The following NRXN3 variants were observed in gnomAD, a reference collection of about 807,000 sequenced individuals.
NRXN3 encodes neurexin III.
A neutral mutation model predicts 137.6 loss-of-function variants in NRXN3; 32 were observed. The observed-to-expected ratio is 0.23, with a 90% CI of 0.18 to 0.31. The LOEUF is 0.31. Among genes scored for constraint, NRXN3 ranks in the 10% least tolerant of loss-of-function variants. The probability of loss-of-function intolerance (pLI) is 1.00; values close to 1 mark genes in which losing one functional copy is unlikely to be tolerated. For missense variants in NRXN3, 1,574 were observed against 2,062.5 expected (o/e 0.76, Z 4.59); for synonymous variants, 798 against 784.5 (o/e 1.02, Z -0.29).
intron 6 of NRXN3, among the ~76,000 whole-genome samples, chr14:78,694,461 A>G (rs950178874): frequency 2.0e-5 from 3 of 151,992 alleles, no homozygotes; most frequent in South Asian, 2.1e-4. Flanking sequence ...ATACATGTCT[A>G]TCTTCCCCAG....
chr14:79,103,660 A>G (rs1330726713), intron 15 of NRXN3, among the ~76,000 whole-genome samples: 1 of 152,144 alleles, frequency 6.6e-6, no homozygotes, highest in African/African-American at 2.4e-5. Flanking sequence ...AGTTCCTGCA[A>G]TGATTACATG....
At chr14:79,752,240 C>T (rs2099000537) in intron 19 of NRXN3, among the ~76,000 whole-genome samples, 1 of 150,930 alleles carries the variant, frequency 6.6e-6, no homozygotes, top group Non-Finnish European at 1.5e-5. Context: ...ATTATTGCCA[C>T]AATTTCAGAT....
rs528353844 is a variant in NRXN3, at chr14:79,019,955, A to G, written c.3262+31814A>G. 3.9e-5 allele frequency among the ~76,000 whole-genome samples: 6 copies of G among 152,192 alleles called. No individual in the cohort carries two copies. The East Asian group carries it at 1.2e-3, about 29-fold the overall frequency. ...TATGTGTCTGGTAGAGAAAAAAAGA[A>G]AAGTTAAAAATTTAGGAGAGAGATA... On this transcript the variant is annotated intron_variant, in intron 15 of 20. Coordinates refer to ENST00000335750, the MANE Select transcript of NRXN3 (RefSeq NM_001330195.2).
chr14:79,413,330 A>G (rs714276), intron 15 of NRXN3, among the ~76,000 whole-genome samples: 47,908 of 151,928 alleles, frequency 0.32, 8,213 homozygotes, highest in Middle Eastern at 0.53. Context: ...AGTAAATTAC[A>G]TGGTTTTAGA....
chr14:79,574,343 C>T, intron 16 of NRXN3, among the ~76,000 whole-genome samples: 1 of 152,178 alleles, frequency 6.6e-6, no homozygotes, highest in East Asian at 1.9e-4. Flanking sequence ...TAGAGTTTCA[C>T]AACTGCCTAT....
chr14:79,372,339 G>A (rs2094136896), intron 15 of NRXN3, among the ~76,000 whole-genome samples: 1 of 152,102 alleles, frequency 6.6e-6, no homozygotes, highest in Admixed American at 6.6e-5. Flanking sequence ...CCCTGTGGTA[G>A]CTTATCCCTC....
intron 4 of NRXN3, among the ~76,000 whole-genome samples, chr14:78,376,025 C>T (rs1363055114): frequency 6.6e-6 from 1 of 151,724 alleles, no homozygotes. Flanking sequence ...CACACATACA[C>T]ACACACACAC....
At chr14:79,510,757 C>G (rs9323673) in intron 16 of NRXN3, among the ~76,000 whole-genome samples, 64,226 of 152,016 alleles carry the variant, frequency 0.42, 13,855 homozygotes, top group African/African-American at 0.52. Flanking sequence ...CTTCAAACAG[C>G]TTTCTGCCAA....
intron 16 of NRXN3, among the ~76,000 whole-genome samples, chr14:79,485,572 C>A (rs908764211): frequency 1.3e-5 from 2 of 152,094 alleles, no homozygotes; most frequent in African/African-American, 4.8e-5. Context: ...ATCTTCCAGC[C>A]TTTGTAGCAC....
At chr14:79,180,198 A>C (rs1292366840) in intron 15 of NRXN3, among the ~76,000 whole-genome samples, 1 of 152,198 alleles carries the variant, frequency 6.6e-6, no homozygotes, top group Non-Finnish European at 1.5e-5. Context: ...ACACACTGAC[A>C]ATTACATGTA....
rs184192953 is a variant in NRXN3 at position 78,916,438 on chromosome 14, G to A, written c.2276-40804G>A. ...TAGGTCACAGAAGCTTGTCCGAGGT[G>A]AGGACTTTGGGCTGAGTCCTGAATA... On this transcript the variant is annotated intron_variant, in intron 10 of 20. Transcript: ENST00000335750. Among the ~76,000 whole-genome samples, 363 of 152,302 alleles carry A rather than the reference G, an allele frequency of 2.4e-3. 1 individual carries two copies. The highest frequency in any genetic ancestry group is 4.1e-3 in the Admixed American group (62 of 15,296).
intron 15 of NRXN3, chr14:79,279,292 A>G: frequency 1.1e-6 from 1 of 949,088 alleles, no homozygotes; most frequent in Non-Finnish European, 1.3e-6. Context: ...GTCCCTCGGC[A>G]GAGCGCTGGG....
At chr14:78,884,488 C>T (rs2099137634) in intron 10 of NRXN3, among the ~76,000 whole-genome samples, 1 of 152,090 alleles carries the variant, frequency 6.6e-6, no homozygotes, top group African/African-American at 2.4e-5. Context: ...AACTGTTCAC[C>T]TTTCTGATCC....
chr14:78,819,343 A>G (rs1467223113), intron 10 of NRXN3, among the ~76,000 whole-genome samples: 1 of 152,178 alleles, frequency 6.6e-6, no homozygotes, highest in Non-Finnish European at 1.5e-5. Flanking sequence ...AAATAATTTT[A>G]AAAAACAATA....
At chr14:79,354,965 T>A (rs1266426749) in intron 15 of NRXN3, among the ~76,000 whole-genome samples, 1 of 152,178 alleles carries the variant, frequency 6.6e-6, no homozygotes, top group African/African-American at 2.4e-5. Context: ...TAGATAATTG[T>A]TGTTGGTTTA....
chr14:79,624,659 C>A (rs961310368), intron 16 of NRXN3, among the ~76,000 whole-genome samples: 1 of 152,026 alleles, frequency 6.6e-6, no homozygotes, highest in Non-Finnish European at 1.5e-5. Flanking sequence ...TACCCTTTAA[C>A]CTATATCTCC....
At chr14:78,837,289 AAAAC>A (rs1288713614) in intron 10 of NRXN3, among the ~76,000 whole-genome samples, 5 of 152,178 alleles carry the variant, frequency 3.3e-5, no homozygotes, top group Admixed American at 3.3e-4. Context: ...TGTTAAAATG[AAAAC>A]AAACCTCTCT....
intron 15 of NRXN3, among the ~76,000 whole-genome samples, chr14:79,365,592 G>C (rs964399865): frequency 2.7e-5 from 4 of 150,714 alleles, no homozygotes; most frequent in African/African-American, 9.7e-5. Flanking sequence ...GGTGGCGGGC[G>C]CCTGTAGTCC....
chr14:78,955,266 G>A (rs1227791624), intron 10 of NRXN3, among the ~76,000 whole-genome samples: 1 of 152,132 alleles, frequency 6.6e-6, no homozygotes, highest in African/African-American at 2.4e-5. Flanking sequence ...ATCTGTTCTT[G>A]TTATAAAGAA....
Sources: allele counts gnomAD v4.1 joint callset (sites outside exome capture counted in the v4.1 genomes callset), GRCh38; gene constraint gnomAD v4.1.1; transcripts MANE v1.5; gene names NCBI Gene and HGNC (gene_info 2026-07-23, HGNC 2026-07-21).